The following LARP4 variants were observed in gnomAD, a reference collection of about 807,000 sequenced individuals.
LARP4 encodes La ribonucleoprotein 4, also known as la-related protein 4.
In LARP4, 29 loss-of-function variants were observed where a neutral mutation model predicts 92.9. The ratio of observed to expected loss-of-function variants is 0.31; its 90% CI spans 0.23 to 0.43. The LOEUF (loss-of-function observed/expected upper bound fraction) is 0.43. Among genes scored for constraint, LARP4 ranks in the 20% least tolerant of loss-of-function variants. The probability of loss-of-function intolerance (pLI) is 1.00; values close to 1 mark genes in which losing one functional copy is unlikely to be tolerated. For missense variants in LARP4, 732 were observed against 860.0 expected (o/e 0.85, Z 1.86); for synonymous variants, 279 against 284.1 (o/e 0.98, Z 0.18).
chr12:50,466,851 A>G, intron 12 of LARP4, 108 bp from the exon 13 acceptor site: 3 of 987,620 alleles, frequency 3.0e-6, no homozygotes, highest in Non-Finnish European at 4.5e-6. Flanking sequence ...TGTGCATTAT[A>G]GAGGTTTTGT....
intron 8 of LARP4, among the ~76,000 whole-genome samples, chr12:50,453,191 A>C (rs1279874938): frequency 6.6e-6 from 1 of 151,168 alleles, no homozygotes; most frequent in Non-Finnish European, 1.5e-5. Context: ...CTCAGGTTAC[A>C]GGTGTGAGCC....
At chr12:50,421,259 G>A (rs1479025914) in intron 1 of LARP4, 14 of 984,320 alleles carry the variant, frequency 1.4e-5, no homozygotes, top group Admixed American at 6.2e-5. Flanking sequence ...GGCTTTTAAC[G>A]TACTGTAATA....
rs1346025207 is a variant in LARP4 at position 50,443,600 on chromosome 12, AATTTT to A, written c.804+1963_804+1967del. ...TGGATATCACTGTTTAATTTAATTTAATTTTATTTTCTTAATTTATTTATTTTTGA... is the reference window on the plus strand; with the variant it reads ...TGGATATCACTGTTTAATTTAATTTAATTTTCTTAATTTATTTATTTTTGA... On this transcript the variant is annotated intron_variant, in intron 8 of 15. Coordinates refer to ENST00000398473, the MANE Select transcript of LARP4 (RefSeq NM_052879.5). Among the ~76,000 whole-genome samples, 5 of 151,406 alleles carry A rather than the reference AATTTT, an allele frequency of 3.3e-5. No homozygotes were observed. The South Asian group carries it at 1.0e-3, about 32-fold the overall frequency.
chr12:50,453,532 C>T lies in LARP4; in HGVS notation c.877C>T (p.His293Tyr). 1 of 1,612,710 alleles carries T rather than the reference C, an allele frequency of 6.2e-7. No individual in the cohort carries two copies. Among genetic ancestry groups the T allele is most frequent in the South Asian group, 1.1e-5 (1 of 91,042 alleles). The change falls in exon 9 of 16, where the codon CAC (histidine) becomes TAC (tyrosine). Residue 293 changes from histidine (H) to tyrosine (Y), a missense_variant. His to Tyr is a moderately conservative substitution (Grantham distance 83, BLOSUM62 2). This residue lies in a region of LARP4 where 264 missense variants were observed against 269.5 expected (regional missense o/e 0.98). Coordinates refer to ENST00000398473, the MANE Select transcript of LARP4 (RefSeq NM_052879.5). ...ATTAATGGATTCTAGTATCTATAGT[C>T]ACCCCATTCAAACTCAAGCACAGTA... ...YRLMDSSIYS[H>Y]PIQTQAQYAS...
chr12:50,440,907 G>T (rs773023232), intron 7 of LARP4, among the ~76,000 whole-genome samples: 1 of 147,978 alleles, frequency 6.8e-6, no homozygotes, highest in African/African-American at 2.5e-5. Context: ...TTTTTGAGAC[G>T]GAGTCTCACT....
intron 11 of LARP4, 49 bp from the exon 12 acceptor site, chr12:50,462,533 T>C (rs755046509): frequency 3.0e-6 from 3 of 1,009,810 alleles, no homozygotes; most frequent in South Asian, 1.4e-5. Flanking sequence ...AAGAAACTTA[T>C]GACTTGTCCC....
At chr12:50,427,133 T>C (rs936154293) in intron 1 of LARP4, among the ~76,000 whole-genome samples, 1 of 152,144 alleles carries the variant, frequency 6.6e-6, no homozygotes, top group African/African-American at 2.4e-5. Context: ...ATTTACAATA[T>C]AAAGCACATC....
At chr12:50,436,074 TGTGTGTGTGTGTGTGTGTATCCCGCTG>T (rs1196687523) in intron 5 of LARP4, among the ~76,000 whole-genome samples, 8 of 136,144 alleles carry the variant, frequency 5.9e-5, no homozygotes, top group African/African-American at 2.2e-4. Context: ...TGTGTGTGTG[TGTGTGTGTGTGTGTGTGTATCCCGCTG>T]GTGTGTGTGT....
At chr12:50,453,922 C>T (rs370921613) in intron 9 of LARP4, among the ~76,000 whole-genome samples, 4 of 152,088 alleles carry the variant, frequency 2.6e-5, no homozygotes, top group East Asian at 1.9e-4. Context: ...CCACTATGCC[C>T]GGCCACTTTT....
chr12:50,451,080 GC>G (rs1953104146), intron 8 of LARP4, among the ~76,000 whole-genome samples: 2 of 152,086 alleles, frequency 1.3e-5, no homozygotes, highest in African/African-American at 4.8e-5. Context: ...TTGTATACAT[GC>G]CTTTTTGGTA....
intron 1 of LARP4, among the ~76,000 whole-genome samples, chr12:50,411,531 GT>G (rs1251481821): frequency 1.3e-5 from 2 of 151,758 alleles, no homozygotes; most frequent in Admixed American, 6.6e-5. Context: ...GTTTCACCAT[GT>G]TGGCCAGGCT....
intron 1 of LARP4, among the ~76,000 whole-genome samples, chr12:50,404,289 T>TG (rs1944396292): frequency 6.6e-6 from 1 of 152,126 alleles, no homozygotes; most frequent in South Asian, 2.1e-4. Flanking sequence ...CTAGTGAACA[T>TG]GGAAGCTTGT....
At chr12:50,448,472 C>T (rs1454341495) in intron 8 of LARP4, among the ~76,000 whole-genome samples, 1 of 152,138 alleles carries the variant, frequency 6.6e-6, no homozygotes, top group Non-Finnish European at 1.5e-5. Flanking sequence ...AAATTTCAAC[C>T]TTAATTTCAG....
intron 1 of LARP4, among the ~76,000 whole-genome samples, chr12:50,427,077 T>C (rs1057078008): frequency 3.3e-5 from 5 of 152,132 alleles, no homozygotes; most frequent in East Asian, 1.9e-4. Context: ...AAAGTAGTTA[T>C]GCTGTGGACT....
At chr12:50,451,037 G>A (rs1265467665) in intron 8 of LARP4, among the ~76,000 whole-genome samples, 1 of 152,082 alleles carries the variant, frequency 6.6e-6, no homozygotes, top group Non-Finnish European at 1.5e-5. Context: ...TTTCCCCACA[G>A]CTTTATTAAG....
At chr12:50,461,719 G>A (rs1955417413) in intron 11 of LARP4, among the ~76,000 whole-genome samples, 1 of 152,118 alleles carries the variant, frequency 6.6e-6, no homozygotes, top group South Asian at 2.1e-4. Flanking sequence ...CACTTTGGGA[G>A]GCCGTGGTGG....
intron 15 of LARP4, 106 bp downstream of exon 15, chr12:50,474,273 A>G: frequency 1.2e-6 from 1 of 809,910 alleles, no homozygotes; most frequent in East Asian, 2.6e-5. Flanking sequence ...GAAGTAGCCC[A>G]AGTTGGGGCT....
At position 50,477,551 on chromosome 12, in the gene LARP4, T is replaced by A. The variant is rs1957620009; in HGVS notation, c.*1687T>A. 6.6e-6 allele frequency: 1 copy of A among 152,530 alleles called. No homozygotes were observed. Among genetic ancestry groups the A allele is most frequent in the Admixed American group, 6.5e-5 (1 of 15,270 alleles). 9.4% of individuals were successfully genotyped at this position (152,530 alleles called of 1,614,324 possible). A position where few individuals can be genotyped will look rare whatever the true frequency, so the allele number is the denominator to read the frequency against. On this transcript the variant is annotated 3_prime_UTR_variant, in exon 16 of 16. Transcript: ENST00000398473. ...ATTACTGTGAAATTCATCTTCCAAC[T>A]CTAAGTTAAGCTTTGGAGATACATG...
chr12:50,459,801 C>T (rs936470355), intron 10 of LARP4, among the ~76,000 whole-genome samples: 10 of 134,940 alleles, frequency 7.4e-5, no homozygotes, highest in Admixed American at 8.0e-5. Flanking sequence ...TCCAGCCTGG[C>T]GACAGAGCAA....
Sources: gnomAD v4.1 joint callset for allele counts (sites outside exome capture counted in the v4.1 genomes callset) on GRCh38, gnomAD v4.1.1 for gene constraint, gnomAD v4.1.1 regional missense constraint, MANE v1.5 for transcripts, NCBI Gene and HGNC (gene_info 2026-07-23, HGNC 2026-07-21) for gene names.